Variants in FAM184A observed in about 807,000 individuals in gnomAD.
FAM184A encodes protein FAM184A.
FAM184A carries 99 observed loss-of-function variants against 143.8 expected under a neutral mutation model. The observed-to-expected ratio is 0.69, with a 90% CI of 0.58 to 0.81. The LOEUF (loss-of-function observed/expected upper bound fraction) is 0.81, where lower values mean the gene tolerates loss of function less well. FAM184A is among the 40% of genes least tolerant of loss of function. FAM184A has a pLI of 0.00. For synonymous variants in FAM184A, 427 were observed against 446.4 expected (o/e 0.96, Z 0.55); for missense variants, 1,217 against 1,310.5 (o/e 0.93, Z 1.10).
chr6:119,003,639 T>C lies in FAM184A; in HGVS notation c.1816-17A>G. Reference sequence around the variant, plus strand: ...TAGCTCACCCTGAAGAATAAAAACTTTTCAATGAAGACTAAACTTCAAAAA... The same window carrying C: ...TAGCTCACCCTGAAGAATAAAAACTCTTCAATGAAGACTAAACTTCAAAAA... On this transcript the variant is annotated splice_polypyrimidine_tract_variant and intron_variant, in intron 7 of 17. Coordinates refer to ENST00000338891, the MANE Select transcript of FAM184A (RefSeq NM_024581.6). The C allele has an allele frequency of 1.3e-6, 2 of 1,589,666 alleles. No homozygotes were observed. The highest frequency in any genetic ancestry group is 2.3e-5 in the East Asian group (1 of 44,382).
intron 1 of FAM184A, among the ~76,000 whole-genome samples, chr6:119,034,114 A>C (rs1428298714): frequency 6.8e-6 from 1 of 147,152 alleles, no homozygotes; most frequent in African/African-American, 2.5e-5. Context: ...TCAGGCTAAT[A>C]AAATGAGGTA....
chr6:119,118,059 T>C (rs1393903180), intron 1 of FAM184A, among the ~76,000 whole-genome samples: 1 of 152,216 alleles, frequency 6.6e-6, no homozygotes, highest in Admixed American at 6.5e-5. Context: ...GCTTTCTGGA[T>C]TGCTGTATAT....
chr6:119,047,684 T>C (rs1412874362), intron 1 of FAM184A, among the ~76,000 whole-genome samples: 4 of 152,074 alleles, frequency 2.6e-5, no homozygotes, highest in African/African-American at 7.2e-5. Flanking sequence ...CAGGAAGAAA[T>C]TGATTCCCTG....
At chr6:119,080,178 A>G (rs1788021078), upstream of FAM184A, among the ~76,000 whole-genome samples, 2 of 152,206 alleles carry the variant, frequency 1.3e-5, no homozygotes, top group Admixed American at 6.5e-5. Context: ...GGACAAAGAT[A>G]TTTTTGTTTT....
chr6:119,099,434 T>G (rs983551997), intron 1 of FAM184A, among the ~76,000 whole-genome samples: 1 of 152,188 alleles, frequency 6.6e-6, no homozygotes, highest in African/African-American at 2.4e-5. Flanking sequence ...AAGATTTTCC[T>G]TTATTTCATG....
chr6:119,059,481 C>A (rs1787138067), intron 1 of FAM184A, among the ~76,000 whole-genome samples: 1 of 152,122 alleles, frequency 6.6e-6, no homozygotes, highest in South Asian at 2.1e-4. Context: ...TTAAGTTCTC[C>A]ATTTATTTTG....
At chr6:119,113,158 C>T (rs1302356203) in intron 1 of FAM184A, among the ~76,000 whole-genome samples, 1 of 152,096 alleles carries the variant, frequency 6.6e-6, no homozygotes, top group Non-Finnish European at 1.5e-5. Flanking sequence ...GCTCATGGGG[C>T]AAGTTTCCTG....
At chr6:118,970,008 A>ATATATATATATATATATATAT in intron 14 of FAM184A, among the ~76,000 whole-genome samples, 2 of 19,052 alleles carry the variant, frequency 1.0e-4, no homozygotes, top group African/African-American at 1.5e-4. Flanking sequence ...ATATATATAT[A>ATATATATATATATATATATAT]TTTTTTTTTT....
chr6:119,050,731 G>C (rs922094675), intron 1 of FAM184A, among the ~76,000 whole-genome samples: 1 of 152,064 alleles, frequency 6.6e-6, no homozygotes, highest in African/African-American at 2.4e-5. Flanking sequence ...CGTGAACCCG[G>C]GAAGCGGAGC....
In FAM184A at chr6:119,124,438, A is replaced by G. The variant is rs191571350; in HGVS notation, c.-202+24640T>C. 2.0e-5 allele frequency among the ~76,000 whole-genome samples: 3 copies of G among 152,340 alleles called. No individual in the cohort carries two copies. The East Asian group carries it at 5.8e-4, about 29-fold the overall frequency. ...TTTAAATCAAGGCAATAATGATTATAACTATCCCATTGGCTTTAACTTTCT... is the reference window on the plus strand; with the variant it reads ...TTTAAATCAAGGCAATAATGATTATGACTATCCCATTGGCTTTAACTTTCT... On this transcript the variant is annotated intron_variant, in intron 1 of 16. Transcript: ENST00000352896.
chr6:119,138,690 G>A (rs1428940240), intron 1 of FAM184A, among the ~76,000 whole-genome samples: 1 of 151,968 alleles, frequency 6.6e-6, no homozygotes, highest in Non-Finnish European at 1.5e-5. Context: ...GCAATGGGGC[G>A]ATCTTGGCTC....
At chr6:118,985,740 ATCTAAT>A (rs1490810478) in intron 9 of FAM184A, among the ~76,000 whole-genome samples, 1 of 152,200 alleles carries the variant, frequency 6.6e-6, no homozygotes, top group African/African-American at 2.4e-5. Flanking sequence ...CAAGAAAGTA[ATCTAAT>A]TCTAAAGTAT....
In FAM184A at chr6:119,006,533, G is replaced by A. The variant is rs1416585893; in HGVS notation, c.1729C>T (p.Gln577Ter). The A allele has an allele frequency of 2.5e-6, 4 of 1,613,980 alleles. No individual in the cohort carries two copies. ...TTCTGAAGCCTTTCCTGGGAGTCCT[G>A]AAGACTAGCAATAAGTCCTTCTGCA... Reference protein sequence around the residue: ...GSAEGLIASLQDSQERLQNEL... With the variant: ...GSAEGLIASL Residue 577 changes from glutamine (Q) to a stop codon, truncating the protein, a stop_gained, in exon 7 of 18, where the codon CAG becomes TAG. Coordinates refer to ENST00000338891, the MANE Select transcript of FAM184A (RefSeq NM_024581.6). LOFTEE classifies it high-confidence loss of function.
At chr6:119,023,370 T>C (rs896964255) in intron 2 of FAM184A, among the ~76,000 whole-genome samples, 5 of 152,080 alleles carry the variant, frequency 3.3e-5, no homozygotes, top group African/African-American at 1.2e-4. Flanking sequence ...CTTCCGGCAT[T>C]TTTTTCCCCC....
intron 1 of FAM184A, among the ~76,000 whole-genome samples, chr6:119,135,137 A>G (rs1339280755): frequency 6.6e-6 from 1 of 152,250 alleles, no homozygotes; most frequent in East Asian, 1.9e-4. Flanking sequence ...TTATACAGTG[A>G]AATACTACTG....
chr6:119,086,428 A>G (rs939655847), intron 1 of FAM184A, among the ~76,000 whole-genome samples: 28 of 152,218 alleles, frequency 1.8e-4, no homozygotes, highest in Non-Finnish European at 2.9e-5. Flanking sequence ...TTGGGGTGTC[A>G]GAGAAAGCTT....
In FAM184A at chr6:119,078,235, GGC is replaced by G; in HGVS notation, c.63_64del (p.Pro22LeufsTer39). 1 of 1,536,788 alleles carries G rather than the reference GGC, an allele frequency of 6.5e-7. No homozygotes were observed. The highest frequency in any genetic ancestry group is 8.7e-7 in the Non-Finnish European group (1 of 1,145,172). On this transcript the variant is annotated frameshift_variant, in exon 1 of 18. Coordinates refer to ENST00000338891, the MANE Select transcript of FAM184A (RefSeq NM_024581.6). LOFTEE classifies it high-confidence loss of function. This position sits in a 1 kb window ranked among gnomAD's most constrained non-coding sequence, Gnocchi z 5.5. ...AGCCAGCTGTGCGGTGGCCGGCGAG[GGC>G]GCGAATTTGGCCGCCGAGCCGCCGT...
At chr6:119,127,307 A>T (rs1022338153) in intron 1 of FAM184A, among the ~76,000 whole-genome samples, 93 of 152,198 alleles carry the variant, frequency 6.1e-4, no homozygotes, top group African/African-American at 2.2e-3. Context: ...GTTTGATTGA[A>T]AAACTGGGAA....
At chr6:119,125,837 T>G (rs777643414) in intron 1 of FAM184A, among the ~76,000 whole-genome samples, 26 of 152,180 alleles carry the variant, frequency 1.7e-4, no homozygotes, top group Non-Finnish European at 3.4e-4. Context: ...GTGGAGGACT[T>G]CCTGGTAGCA....
Sources: gnomAD v4.1 joint callset for allele counts (sites outside exome capture counted in the v4.1 genomes callset) on GRCh38, gnomAD v4.1.1 for gene constraint, Gnocchi (gnomAD v3.1) non-coding constraint, MANE v1.5 for transcripts, NCBI Gene and HGNC (gene_info 2026-07-23, HGNC 2026-07-21) for gene names.